Variants in GALNTL6 observed in about 807,000 individuals in gnomAD.
GALNTL6 encodes polypeptide N-acetylgalactosaminyltransferase like 6.
In GALNTL6, 46 loss-of-function variants were observed where a neutral mutation model predicts 73.7. The observed-to-expected ratio is 0.62, with a 90% CI of 0.49 to 0.80. GALNTL6 has a LOEUF of 0.80. Among genes scored for constraint, GALNTL6 ranks in the 30% least tolerant of loss-of-function variants. The pLI is 0.00. For synonymous variants in GALNTL6, 259 were observed against 263.7 expected, an observed-to-expected ratio of 0.98 and a Z score of 0.17; for missense variants, 604 against 755.0, an observed-to-expected ratio of 0.80 and a Z score of 2.34.
intron 5 of GALNTL6, among the ~76,000 whole-genome samples, chr4:172,439,662 G>T (rs1731759675): frequency 6.6e-6 from 1 of 151,226 alleles, no homozygotes; most frequent in South Asian, 2.1e-4. Flanking sequence ...CTAAACTTCA[G>T]AATGTTTTTT....
intron 4 of GALNTL6, among the ~76,000 whole-genome samples, chr4:172,320,127 A>G (rs1740702996): frequency 1.3e-5 from 2 of 152,126 alleles, no homozygotes; most frequent in Non-Finnish European, 1.5e-5. Flanking sequence ...CAGAGGTGGC[A>G]TCTCTTCTTC....
At chr4:172,977,274 C>T (rs114667060) in intron 10 of GALNTL6, among the ~76,000 whole-genome samples, 2,852 of 152,294 alleles carry the variant, frequency 0.019, 81 homozygotes, top group African/African-American at 0.065. Context: ...ATGGACAGCC[C>T]TTCCATTGAA....
intron 10 of GALNTL6, among the ~76,000 whole-genome samples, chr4:172,955,353 C>T (rs1387131821): frequency 2.0e-5 from 3 of 152,002 alleles, no homozygotes; most frequent in African/African-American, 7.2e-5. Context: ...TGGCATGTGC[C>T]TGTAATCCCA....
chr4:172,676,549 T>C (rs1269071429), intron 5 of GALNTL6, among the ~76,000 whole-genome samples: 1 of 152,226 alleles, frequency 6.6e-6, no homozygotes, highest in Admixed American at 6.5e-5. Flanking sequence ...TTGGGTGCAT[T>C]GAGCAAGCAA....
intron 5 of GALNTL6, among the ~76,000 whole-genome samples, chr4:172,565,232 G>A (rs546740268): frequency 7.2e-5 from 11 of 152,142 alleles, no homozygotes; most frequent in East Asian, 3.9e-4. Context: ...AGGTTTTAAC[G>A]TACTAATTTT....
chr4:172,960,639 C>G (rs1012444560), intron 10 of GALNTL6, among the ~76,000 whole-genome samples: 4 of 152,082 alleles, frequency 2.6e-5, no homozygotes, highest in African/African-American at 9.7e-5. Context: ...AAAAGAATGC[C>G]TGGACACCAG....
At chr4:171,819,367 G>T (rs916766322) in intron 2 of GALNTL6, among the ~76,000 whole-genome samples, 1 of 152,128 alleles carries the variant, frequency 6.6e-6, no homozygotes, top group Non-Finnish European at 1.5e-5. Flanking sequence ...ATGGGAGACA[G>T]AGTGTGAAAC....
At chr4:172,031,591 A>G (rs763594052) in intron 2 of GALNTL6, among the ~76,000 whole-genome samples, 2 of 152,122 alleles carry the variant, frequency 1.3e-5, no homozygotes, top group Admixed American at 6.6e-5. Flanking sequence ...GCAAGGAAGT[A>G]TTAAAGAAAC....
At chr4:172,946,190 C>T (rs913808140) in intron 9 of GALNTL6, among the ~76,000 whole-genome samples, 1 of 151,584 alleles carries the variant, frequency 6.6e-6, no homozygotes, top group Non-Finnish European at 1.5e-5. Flanking sequence ...CACCATAATA[C>T]AATAGCTTAA....
intron 7 of GALNTL6, among the ~76,000 whole-genome samples, chr4:172,832,897 C>T (rs532355578): frequency 6.6e-6 from 1 of 152,276 alleles, no homozygotes; most frequent in African/African-American, 2.4e-5. Context: ...ACAGCTCTGC[C>T]ATCAGAAAGA....
chr4:172,139,323 G>T (rs561354051), intron 2 of GALNTL6, among the ~76,000 whole-genome samples: 247 of 152,210 alleles, frequency 1.6e-3, no homozygotes, highest in African/African-American at 5.4e-3. Flanking sequence ...TTTAAAAATT[G>T]ATTGATCAAA....
At chr4:172,079,544 T>C (rs920761630) in intron 2 of GALNTL6, among the ~76,000 whole-genome samples, 2 of 152,130 alleles carry the variant, frequency 1.3e-5, no homozygotes, top group Admixed American at 1.3e-4. Flanking sequence ...AGAAATGCTG[T>C]ACCAGTTTAC....
intron 5 of GALNTL6, among the ~76,000 whole-genome samples, chr4:172,480,956 C>T (rs1392488071): frequency 6.6e-6 from 1 of 152,198 alleles, no homozygotes; most frequent in African/African-American, 2.4e-5. Context: ...GGCAAATTGA[C>T]ATTTTTGCCA....
At chr4:172,142,548 A>G (rs918310791) in intron 2 of GALNTL6, among the ~76,000 whole-genome samples, 9 of 152,034 alleles carry the variant, frequency 5.9e-5, no homozygotes, top group African/African-American at 7.2e-5. Context: ...TTTATGTTCA[A>G]TTGGAATCTG....
chr4:172,439,146 T>G (rs1731739620), intron 5 of GALNTL6, among the ~76,000 whole-genome samples: 2 of 147,446 alleles, frequency 1.4e-5, no homozygotes, highest in Middle Eastern at 3.4e-3. Context: ...CACTTCATCC[T>G]CCAGCTACCC....
intron 3 of GALNTL6, among the ~76,000 whole-genome samples, chr4:172,298,118 G>C (rs1739755603): frequency 1.3e-5 from 2 of 152,102 alleles, no homozygotes; most frequent in Admixed American, 1.3e-4. Flanking sequence ...TGAAGCAATT[G>C]TGAATGGGAG....
chr4:171,820,452 C>G (rs147694846), intron 2 of GALNTL6, among the ~76,000 whole-genome samples: 121 of 152,280 alleles, frequency 7.9e-4, no homozygotes, highest in African/African-American at 2.8e-3. Context: ...CAGACATACA[C>G]AGGTACATAT....
chr4:172,515,481 G>A (rs1036281578), intron 5 of GALNTL6, among the ~76,000 whole-genome samples: 4 of 152,214 alleles, frequency 2.6e-5, no homozygotes, highest in Non-Finnish European at 5.9e-5. Flanking sequence ...AGGCTTCTCT[G>A]TGGTTATTTT....
At chr4:172,209,568 G>A (rs922812208) in intron 2 of GALNTL6, among the ~76,000 whole-genome samples, 14 of 151,776 alleles carry the variant, frequency 9.2e-5, no homozygotes, top group African/African-American at 3.1e-4. Context: ...AAAAACAAAG[G>A]CAAATGAACA....
Sources: gnomAD v4.1 joint callset for allele counts (sites outside exome capture counted in the v4.1 genomes callset) on GRCh38, gnomAD v4.1.1 for gene constraint, MANE v1.5 for transcripts, NCBI Gene and HGNC (gene_info 2026-07-23, HGNC 2026-07-21) for gene names.